The following PELI2 variants were observed in gnomAD, a reference collection of about 807,000 sequenced individuals.
PELI2 encodes E3 ubiquitin-protein ligase pellino homolog 2.
A neutral mutation model predicts 42.3 loss-of-function variants in PELI2; 23 were observed. The ratio of observed to expected loss-of-function variants is 0.54; its 90% CI spans 0.39 to 0.77. The LOEUF is 0.77. Ranked by LOEUF, PELI2 falls within the 30% of genes least tolerant of loss-of-function variation. PELI2 has a pLI of 0.00. For missense variants in PELI2, 463 were observed against 553.2 expected, an observed-to-expected ratio of 0.84 and a Z score of 1.64; for synonymous variants, 245 against 212.2, an observed-to-expected ratio of 1.15 and a Z score of -1.34.
intron 1 of PELI2, among the ~76,000 whole-genome samples, chr14:56,155,535 T>C (rs915922494): frequency 2.6e-5 from 4 of 152,020 alleles, no homozygotes; most frequent in Non-Finnish European, 4.4e-5. Flanking sequence ...ATTTCTGAAG[T>C]GTTTCTTCTG....
intron 3 of PELI2, among the ~76,000 whole-genome samples, chr14:56,286,937 A>G (rs1032912294): frequency 6.6e-6 from 1 of 152,224 alleles, no homozygotes; most frequent in Non-Finnish European, 1.5e-5. Context: ...AGTTAGAATA[A>G]AATTTCCTCT....
chr14:56,263,711 G>A (rs1477960211), intron 2 of PELI2, among the ~76,000 whole-genome samples: 2 of 152,236 alleles, frequency 1.3e-5, no homozygotes, highest in South Asian at 2.1e-4. Flanking sequence ...AATTGAAAGT[G>A]TACACAGAAG....
chr14:56,217,847 C>T (rs1886967808), intron 2 of PELI2, among the ~76,000 whole-genome samples: 1 of 152,120 alleles, frequency 6.6e-6, no homozygotes, highest in Non-Finnish European at 1.5e-5. Context: ...GTGTTATACT[C>T]ACCAGCTCGC....
chr14:56,179,592 GAAAT>G (rs1885512285), intron 2 of PELI2, among the ~76,000 whole-genome samples: 1 of 152,152 alleles, frequency 6.6e-6, no homozygotes, highest in East Asian at 1.9e-4. Flanking sequence ...TAGAAAAAGA[GAAAT>G]AAACTAAACA....
chr14:56,165,788 T>G (rs1243624549), intron 1 of PELI2, among the ~76,000 whole-genome samples: 6 of 152,098 alleles, frequency 3.9e-5, no homozygotes, highest in African/African-American at 1.4e-4. Flanking sequence ...TTTCTTACAG[T>G]TTTTTTCTCG....
chr14:56,139,646 T>C (rs1173774830), intron 1 of PELI2, among the ~76,000 whole-genome samples: 1 of 152,154 alleles, frequency 6.6e-6, no homozygotes, highest in East Asian at 1.9e-4. Context: ...TTGCAGCTTG[T>C]TCCCCCACCA....
At chr14:56,225,392 G>A (rs969385597) in intron 2 of PELI2, among the ~76,000 whole-genome samples, 5 of 152,140 alleles carry the variant, frequency 3.3e-5, no homozygotes, top group African/African-American at 9.7e-5. Flanking sequence ...GGAGTGATGC[G>A]ACCACAAAGC....
intron 1 of PELI2, among the ~76,000 whole-genome samples, chr14:56,139,498 T>A (rs1202225561): frequency 6.6e-6 from 1 of 152,210 alleles, no homozygotes; most frequent in African/African-American, 2.4e-5. Flanking sequence ...CGTTTGTTGC[T>A]GCTTATTATT....
chr14:56,215,324 G>GAC (rs1886866396), intron 2 of PELI2, among the ~76,000 whole-genome samples: 1 of 152,206 alleles, frequency 6.6e-6, no homozygotes, highest in Non-Finnish European at 1.5e-5. Context: ...TTTAAGGATA[G>GAC]ACAACCCTAT....
chr14:56,231,871 TAAAG>T (rs1887586337), intron 2 of PELI2, among the ~76,000 whole-genome samples: 1 of 151,232 alleles, frequency 6.6e-6, no homozygotes. Context: ...GCAAGACTAA[TAAAG>T]AAGAAAAGAG....
intron 2 of PELI2, among the ~76,000 whole-genome samples, chr14:56,225,942 T>C (rs1393543541): frequency 1.3e-5 from 2 of 152,178 alleles, no homozygotes; most frequent in Admixed American, 6.5e-5. Context: ...GATAATATAC[T>C]GTGAAACCTG....
At chr14:56,187,743 CA>C (rs1454114426) in intron 2 of PELI2, among the ~76,000 whole-genome samples, 7 of 152,114 alleles carry the variant, frequency 4.6e-5, no homozygotes, top group African/African-American at 1.7e-4. Context: ...AACCGTGTTC[CA>C]GGGGAGGCAC....
intron 2 of PELI2, among the ~76,000 whole-genome samples, chr14:56,271,702 A>G (rs1445429963): frequency 4.6e-5 from 7 of 152,224 alleles, no homozygotes; most frequent in Non-Finnish European, 7.3e-5. Context: ...ACAAGCGTAC[A>G]TTACGTTTCT....
intron 2 of PELI2, among the ~76,000 whole-genome samples, chr14:56,262,297 C>T (rs1888740061): frequency 6.6e-6 from 1 of 152,156 alleles, no homozygotes; most frequent in African/African-American, 2.4e-5. Context: ...AAACATTTTA[C>T]CTACTGCATG....
intron 2 of PELI2, among the ~76,000 whole-genome samples, chr14:56,234,667 G>A (rs528659542): frequency 5.1e-4 from 78 of 152,258 alleles, no homozygotes; most frequent in African/African-American, 1.8e-3. Context: ...GAGTTAATGG[G>A]TGCAGCACAC....
chr14:56,236,293 A>T (rs1284331250), intron 2 of PELI2, among the ~76,000 whole-genome samples: 1 of 152,180 alleles, frequency 6.6e-6, no homozygotes, highest in South Asian at 2.1e-4. Flanking sequence ...TTGTGCAGAG[A>T]TAAGCTGTCA....
chr14:56,288,700 A>G lies in PELI2; in HGVS notation c.507+66A>G. 8.3e-7 allele frequency: 1 copy of G among 1,209,284 alleles called. No individual in the cohort carries two copies. Among genetic ancestry groups the G allele is most frequent in the East Asian group, 2.7e-5 (1 of 37,196 alleles). 74.9% of individuals were successfully genotyped at this position (1,209,284 alleles called of 1,614,324 possible). ...TTGTGATTATGATATGGAACATTTA[A>G]TTGGAGCAAAAAAAAATTGGCTTTG... On this transcript the variant is annotated intron_variant, in intron 4 of 5. Coordinates refer to ENST00000267460, the MANE Select transcript of PELI2 (RefSeq NM_021255.3). The surrounding 1 kb of genome is among the most constrained non-coding windows in gnomAD (Gnocchi z 4.6).
chr14:56,294,431 G>A (rs999104571), intron 5 of PELI2, among the ~76,000 whole-genome samples: 3 of 152,230 alleles, frequency 2.0e-5, no homozygotes, highest in African/African-American at 7.2e-5. Flanking sequence ...TACAGCAGGA[G>A]AAGTCGAGTG....
At chr14:56,289,859 C>T (rs1889770644) in intron 4 of PELI2, among the ~76,000 whole-genome samples, 1 of 152,214 alleles carries the variant, frequency 6.6e-6, no homozygotes, top group Admixed American at 6.5e-5. Flanking sequence ...TGTCCTTTCT[C>T]TTCTCTATCC....
Sources: allele counts gnomAD v4.1 joint callset (sites outside exome capture counted in the v4.1 genomes callset), GRCh38; gene constraint gnomAD v4.1.1; non-coding constraint Gnocchi (gnomAD v3.1); transcripts MANE v1.5; gene names NCBI Gene and HGNC (gene_info 2026-07-23, HGNC 2026-07-21).